Variants in ATP6V0A2 observed in about 807,000 individuals in gnomAD.
ATP6V0A2 encodes ATPase H+ transporting V0 subunit a2, also known as V-type proton ATPase 116 kDa subunit a 2.
ATP6V0A2 carries 58 observed loss-of-function variants against 104.4 expected under a neutral mutation model. The ratio of observed to expected loss-of-function variants is 0.56; its 90% CI spans 0.45 to 0.69. The LOEUF (loss-of-function observed/expected upper bound fraction) is 0.69. ATP6V0A2 is among the 30% of genes least tolerant of loss of function. ATP6V0A2 has a pLI of 0.00. For missense variants in ATP6V0A2, 938 were observed against 1,062.9 expected (o/e 0.88, Z 1.63); for synonymous variants, 376 against 397.9 (o/e 0.95, Z 0.65).
intron 1 of ATP6V0A2, among the ~76,000 whole-genome samples, chr12:123,713,086 T>C (rs142003563): frequency 6.6e-6 from 1 of 152,122 alleles, no homozygotes; most frequent in East Asian, 1.9e-4. Context: ...CGGGGTGATG[T>C]GAAGGTGATT....
intron 15 of ATP6V0A2, among the ~76,000 whole-genome samples, chr12:123,749,359 C>T (rs575056812): frequency 6.6e-6 from 1 of 152,242 alleles, no homozygotes; most frequent in Admixed American, 6.5e-5. Flanking sequence ...GCCCAGTCCC[C>T]CCATTTAGAA....
At chr12:123,720,858 C>A (rs1956392551) in intron 2 of ATP6V0A2, among the ~76,000 whole-genome samples, 1 of 151,996 alleles carries the variant, frequency 6.6e-6, no homozygotes. Flanking sequence ...TAGTGAGACC[C>A]CTGTCTCTTA....
In ATP6V0A2 at chr12:123,744,133, G is replaced by A. The variant is rs1363104708; in HGVS notation, c.1190-68G>A. 1.9e-6 allele frequency: 3 copies of A among 1,592,416 alleles called. No homozygotes were observed. In the Admixed American group the frequency reaches 5.0e-5, roughly 27 times the overall value. ...AAAGTCAAGATTGTTATGTATCATT[G>A]TGTTTGAATGAACTCAGGTTTTCCA... is the stretch of plus-strand genomic sequence containing the variant. On this transcript the variant is annotated intron_variant, in intron 10 of 19. Coordinates refer to ENST00000330342, the MANE Select transcript of ATP6V0A2 (RefSeq NM_012463.4). This position sits in a 1 kb window ranked among gnomAD's most constrained non-coding sequence, Gnocchi z 5.4.
rs765061088 is a variant in ATP6V0A2 at position 123,754,408 on chromosome 12, G to A, written c.2176-12G>A. The A allele has an allele frequency of 2.6e-6, 4 of 1,567,872 alleles. No individual in the cohort carries two copies. The South Asian group carries it at 4.4e-5, about 17-fold the overall frequency. ...TCATGACTCTTAACATATGTTGTGTGATCTCTCTCAGTTTAATTTTGGAGA... is the reference window on the plus strand; with the variant it reads ...TCATGACTCTTAACATATGTTGTGTAATCTCTCTCAGTTTAATTTTGGAGA... On this transcript the variant is annotated splice_polypyrimidine_tract_variant and intron_variant, in intron 17 of 19. Transcript: ENST00000330342.
In ATP6V0A2 at chr12:123,735,616, C is replaced by A; in HGVS notation, c.817C>A (p.Leu273Ile). Residue 273 changes from leucine (L) to isoleucine (I), a missense_variant, in exon 8 of 20, where the codon CTC becomes ATC. Coordinates refer to ENST00000330342, the MANE Select transcript of ATP6V0A2 (RefSeq NM_012463.4). ...GGGGCTGAACACCCGCATCCAGGATCTCTACACTGTGAGTAAGCTGGAAGT... is the reference window on the plus strand; with the variant it reads ...GGGGCTGAACACCCGCATCCAGGATATCTACACTGTGAGTAAGCTGGAAGT... ...QEGLNTRIQD[L>I]YTVLHKTEDY... The A allele has an allele frequency of 1.2e-6, 2 of 1,611,914 alleles. No individual in the cohort carries two copies. Among genetic ancestry groups the A allele is most frequent in the South Asian group, 2.2e-5 (2 of 90,976 alleles).
At chr12:123,722,767 G>C (rs1406368496) in intron 3 of ATP6V0A2, among the ~76,000 whole-genome samples, 3 of 152,112 alleles carry the variant, frequency 2.0e-5, no homozygotes, top group Non-Finnish European at 4.4e-5. Context: ...ATCCTGTACT[G>C]TTTCAGAAAG....
chr12:123,720,180 G>A (rs900458734), intron 2 of ATP6V0A2, among the ~76,000 whole-genome samples: 9 of 152,084 alleles, frequency 5.9e-5, no homozygotes, highest in African/African-American at 1.9e-4. Flanking sequence ...GGATTTTTAA[G>A]TGTAACAGGA....
At chr12:123,719,997 C>T (rs1055306127) in intron 2 of ATP6V0A2, among the ~76,000 whole-genome samples, 7 of 152,262 alleles carry the variant, frequency 4.6e-5, no homozygotes, top group African/African-American at 1.7e-4. Flanking sequence ...CCTCCTCTGT[C>T]GTGGAGCAGC....
At position 123,744,982 on chromosome 12, in the gene ATP6V0A2, C is replaced by G; in HGVS notation, c.1605+10C>G. The G allele has an allele frequency of 6.2e-7, 1 of 1,612,962 alleles. No homozygotes were observed. The highest frequency in any genetic ancestry group is 1.1e-5 in the South Asian group (1 of 91,046). ...CCTTGGCATTGATCCTGTGAGTGCA[C>G]CACGCTCTGTCGTTGTCTCTGGATG... On this transcript the variant is annotated intron_variant, in intron 13 of 19. Coordinates refer to ENST00000330342, the MANE Select transcript of ATP6V0A2 (RefSeq NM_012463.4). The surrounding 1 kb of genome is among the most constrained non-coding windows in gnomAD (Gnocchi z 5.4).
Position 123,747,725 on chromosome 12 carries a change from T to G in ATP6V0A2, c.1724T>G (p.Leu575Trp), listed in dbSNP as rs1195484607. 1.3e-6 allele frequency: 2 copies of G among 1,565,802 alleles called. No homozygotes were observed. The highest frequency in any genetic ancestry group is 1.7e-5 in the Admixed American group (1 of 59,888). ...GTCATTCTGGGAATATTTAACCACTTGTAAGTACAGATTTTTTTTTAAGCA... is the reference window on the plus strand; with the variant it reads ...GTCATTCTGGGAATATTTAACCACTGGTAAGTACAGATTTTTTTTTAAGCA... ...FGVILGIFNH[L>W]HFRKKFNIYL... Residue 575 changes from leucine (L) to tryptophan (W), a missense_variant and splice_region_variant, in exon 14 of 20, where the codon TTG (leucine) becomes TGG (tryptophan). By Grantham distance (61) the Leu-to-Trp change is moderately conservative. Coordinates refer to ENST00000330342, the MANE Select transcript of ATP6V0A2 (RefSeq NM_012463.4).
chr12:123,734,672 A>G (rs1956533795), intron 7 of ATP6V0A2, among the ~76,000 whole-genome samples: 1 of 152,238 alleles, frequency 6.6e-6, no homozygotes, highest in South Asian at 2.1e-4. Flanking sequence ...CAAAAGCCAA[A>G]CAAAGTCAGA....
chr12:123,740,732 C>CT (rs1471839278), intron 9 of ATP6V0A2, among the ~76,000 whole-genome samples: 1 of 152,120 alleles, frequency 6.6e-6, no homozygotes, highest in Non-Finnish European at 1.5e-5. Context: ...TCCTTTTTGT[C>CT]TTTCGTTACT....
intron 9 of ATP6V0A2, 138 bp downstream of exon 9, chr12:123,737,409 A>G (rs1956566443): frequency 1.1e-6 from 1 of 874,028 alleles, no homozygotes; most frequent in Non-Finnish European, 1.8e-6. Flanking sequence ...TTTTTTTAAA[A>G]TATTAATTAA....
chr12:123,750,881 A>G (rs369435010), intron 15 of ATP6V0A2: 13 of 558,202 alleles, frequency 2.3e-5, no homozygotes, highest in South Asian at 1.8e-4. Flanking sequence ...TTGCTGGTCT[A>G]AAACAAAATA....
chr12:123,747,654 A>G lies in ATP6V0A2; in HGVS notation c.1653A>G (p.Lys551=). ...TNRLTFLNSF[K]MKMSVILGII... The stretch of plus-strand genomic sequence containing the variant: ...GCCTCACTTTTCTAAACTCTTTCAA[A>G]ATGAAAATGTCCGTGATTTTAGGAA... Residue 551 remains lysine, a synonymous_variant, in exon 14 of 20, where the codon AAA becomes AAG. Transcript: ENST00000330342. 1.2e-6 allele frequency: 2 copies of G among 1,613,954 alleles called. No homozygotes were observed. The highest frequency in any genetic ancestry group is 1.7e-6 in the Non-Finnish European group (2 of 1,179,822).
At position 123,757,996 on chromosome 12, in the gene ATP6V0A2, T is replaced by C. The variant is rs1956780906; in HGVS notation, c.2535T>C (p.Leu845=). Residue 845 remains leucine (L), a synonymous_variant, in exon 20 of 20, where the codon CTT becomes CTC. Coordinates refer to ENST00000330342, the MANE Select transcript of ATP6V0A2 (RefSeq NM_012463.4). Reference sequence around the variant, plus strand: ...TTGTTCCTTTCTCATTCAGTCTACTTTCATCAAAGTTCAATAACGACGACA... The same window carrying C: ...TTGTTCCTTTCTCATTCAGTCTACTCTCATCAAAGTTCAATAACGACGACA... ...TKFVPFSFSL[L]SSKFNNDDSV... 6.2e-7 allele frequency: 1 copy of C among 1,613,212 alleles called. No homozygotes were observed. The highest frequency in any genetic ancestry group is 1.3e-5 in the African/African-American group (1 of 74,882).
chr12:123,714,696 A>C (rs1956323296), intron 1 of ATP6V0A2, among the ~76,000 whole-genome samples: 2 of 152,172 alleles, frequency 1.3e-5, no homozygotes, highest in Non-Finnish European at 2.9e-5. Flanking sequence ...CTACATTAAA[A>C]TGTACCTTAT....
chr12:123,725,821 T>C (rs1956443913), intron 4 of ATP6V0A2, among the ~76,000 whole-genome samples: 1 of 150,970 alleles, frequency 6.6e-6, no homozygotes, highest in Non-Finnish European at 1.5e-5. Flanking sequence ...AAAAAAATTA[T>C]AAGAATAAAG....
chr12:123,720,663 T>G (rs906652094), intron 2 of ATP6V0A2, among the ~76,000 whole-genome samples: 3 of 152,062 alleles, frequency 2.0e-5, no homozygotes, highest in African/African-American at 7.2e-5. Context: ...ACCACTGTAC[T>G]CCAGCCTGGG....
Sources: gnomAD v4.1 joint callset for allele counts (sites outside exome capture counted in the v4.1 genomes callset) on GRCh38, gnomAD v4.1.1 for gene constraint, Gnocchi (gnomAD v3.1) non-coding constraint, MANE v1.5 for transcripts, NCBI Gene and HGNC (gene_info 2026-07-23, HGNC 2026-07-21) for gene names.